The following WDR59 variants were observed in gnomAD, a reference collection of about 807,000 sequenced individuals.
WDR59 encodes WD repeat domain 59.
Under a neutral mutation model 131.2 loss-of-function variants are expected in WDR59, and 100 were observed. The observed-to-expected ratio is 0.76, with a 90% confidence interval of 0.65 to 0.90. The LOEUF is 0.90. Among genes scored for constraint, WDR59 ranks in the 40% least tolerant of loss-of-function variants. The pLI is 0.00. For missense variants in WDR59, 1,203 were observed against 1,262.2 expected (o/e 0.95, Z 0.71); for synonymous variants, 601 against 466.2 (o/e 1.29, Z -3.72).
chr16:74,975,830 A>G (rs903123323), intron 1 of WDR59, among the ~76,000 whole-genome samples: 6 of 151,468 alleles, frequency 4.0e-5, no homozygotes, highest in African/African-American at 1.5e-4. Context: ...CCCATTCATC[A>G]CCACATCTTT....
chr16:74,981,641 TATATA>T lies in WDR59; in HGVS notation c.54+3318_54+3322del, dbSNP rs2034420954. On this transcript the variant is annotated intron_variant, in intron 1 of 25. Coordinates refer to ENST00000262144, the MANE Select transcript of WDR59 (RefSeq NM_030581.4). ...ATATATATATATATATATATATATA[TATATA>T]TATATATATATATATTTTTTTTTTT... Among the ~76,000 whole-genome samples, 28 of 50,214 alleles carry T rather than the reference TATATA, an allele frequency of 5.6e-4. 1 individual carries two copies. The highest frequency in any genetic ancestry group is 3.7e-3 in the African/African-American group (27 of 7,366). The allele number at this position is 50,214 out of a possible 152,430, so 32.9% of individuals were successfully genotyped here.
intron 14 of WDR59, 95 bp downstream of exon 14, chr16:74,912,103 C>T (rs757098446): frequency 1.5e-5 from 23 of 1,545,194 alleles, no homozygotes; most frequent in African/African-American, 1.4e-4. Context: ...AGATGACTTC[C>T]GAATCTCATC....
intron 1 of WDR59, among the ~76,000 whole-genome samples, chr16:74,983,812 C>CA (rs927692134): frequency 3.8e-4 from 57 of 150,368 alleles, no homozygotes; most frequent in African/African-American, 1.1e-3. Flanking sequence ...CCCGTCTCTA[C>CA]AAAAAAAAAT....
chr16:74,923,809 C>G, intron 9 of WDR59, 117 bp downstream of exon 9: 2 of 943,230 alleles, frequency 2.1e-6, no homozygotes, highest in Non-Finnish European at 3.2e-6. Flanking sequence ...ACCACTAAAC[C>G]AACAGAGAAA....
At chr16:74,916,568 A>T (rs1966396367) in intron 11 of WDR59, among the ~76,000 whole-genome samples, 1 of 152,212 alleles carries the variant, frequency 6.6e-6, no homozygotes, top group African/African-American at 2.4e-5. Context: ...GAGCAAAAAT[A>T]TCATAACCGG....
chr16:74,898,534 C>CA (rs1301581950), intron 18 of WDR59, among the ~76,000 whole-genome samples: 1 of 151,956 alleles, frequency 6.6e-6, no homozygotes, highest in Non-Finnish European at 1.5e-5. Context: ...GCAAAGAGGA[C>CA]AAGGAAGAAC....
At chr16:74,945,712 C>T (rs8046519) in intron 6 of WDR59, among the ~76,000 whole-genome samples, 146,044 of 152,098 alleles carry the variant, frequency 0.96, 70,424 homozygotes, top group South Asian at 1. Flanking sequence ...AACAAATGCT[C>T]AGTCCCCCTT....
At chr16:74,906,316 A>AAAAAAAAAAAAAC (rs1965817479) in intron 17 of WDR59, among the ~76,000 whole-genome samples, 1 of 143,844 alleles carries the variant, frequency 7.0e-6, no homozygotes, top group Non-Finnish European at 1.5e-5. Context: ...TCCGTCTCAA[A>AAAAAAAAAAAAAC]AAAAAAAAAA....
chr16:74,965,727 A>T (rs4887796), intron 2 of WDR59, 46 bp downstream of exon 2: 785,519 of 1,610,208 alleles, frequency 0.49, 198,247 homozygotes, highest in East Asian at 0.78. Context: ...CGATTTGCAA[A>T]TCGTTTCCAG....
chr16:74,874,584 T>C (rs1964117911), intron 25 of WDR59, 140 bp from the exon 26 acceptor site: 1 of 713,438 alleles, frequency 1.4e-6, no homozygotes, highest in Non-Finnish European at 2.3e-6. Flanking sequence ...TTTCATTTTC[T>C]GTTTTTTTTA....
chr16:74,888,573 GCTAA>G (rs1288859534), intron 21 of WDR59, among the ~76,000 whole-genome samples: 3 of 152,196 alleles, frequency 2.0e-5, no homozygotes, highest in Admixed American at 1.3e-4. Flanking sequence ...AAAGCCTCTG[GCTAA>G]CTTTCAGGCA....
intron 24 of WDR59, 188 bp from the exon 25 acceptor site, chr16:74,885,983 C>T: frequency 1.4e-6 from 1 of 723,144 alleles, no homozygotes; most frequent in Non-Finnish European, 2.2e-6. Flanking sequence ...TTGAGACCAG[C>T]CTGGCCAACA....
At chr16:74,913,821 T>C (rs1483538987) in intron 13 of WDR59, among the ~76,000 whole-genome samples, 1 of 152,212 alleles carries the variant, frequency 6.6e-6, no homozygotes, top group Non-Finnish European at 1.5e-5. Flanking sequence ...GGGTTTCTTC[T>C]GGGAATGATG....
At chr16:74,967,922 A>C (rs2033838831) in intron 1 of WDR59, among the ~76,000 whole-genome samples, 1 of 152,090 alleles carries the variant, frequency 6.6e-6, no homozygotes, top group Admixed American at 6.6e-5. Flanking sequence ...GGAGGAACAG[A>C]TAAACAAAAT....
At chr16:74,885,352 T>C (rs1051899081) in intron 25 of WDR59, among the ~76,000 whole-genome samples, 2 of 138,544 alleles carry the variant, frequency 1.4e-5, no homozygotes, top group African/African-American at 2.7e-5. Flanking sequence ...TCGGGAGGCT[T>C]AGGGAGGAGA....
At chr16:74,951,341 C>G in intron 4 of WDR59, 117 bp downstream of exon 4, 1 of 1,015,580 alleles carries the variant, frequency 9.8e-7, no homozygotes, top group Non-Finnish European at 1.5e-6. Context: ...GCTGACCACC[C>G]GGGACCTGTG....
At chr16:74,956,681 A>G (rs2033309332) in intron 2 of WDR59, 71 bp from the exon 3 acceptor site, 3 of 1,556,230 alleles carry the variant, frequency 1.9e-6, no homozygotes, top group Admixed American at 3.7e-5. Flanking sequence ...GAAAAGCACA[A>G]TTGGAATTGC....
At chr16:74,889,920 A>G (rs1964956802) in intron 20 of WDR59, 105 bp from the exon 21 acceptor site, 2 of 755,218 alleles carry the variant, frequency 2.6e-6, no homozygotes, top group South Asian at 1.9e-5. Flanking sequence ...GCCTTGCTAC[A>G]TTGGGGGCAG....
chr16:74,919,201 C>T (rs1005797877), intron 10 of WDR59, among the ~76,000 whole-genome samples: 2 of 152,202 alleles, frequency 1.3e-5, no homozygotes, highest in Non-Finnish European at 1.5e-5. Context: ...CAGCCTCTCC[C>T]AACTGGCTGA....
Sources: gnomAD v4.1 joint callset for allele counts (sites outside exome capture counted in the v4.1 genomes callset) on GRCh38, gnomAD v4.1.1 for gene constraint, MANE v1.5 for transcripts, NCBI Gene and HGNC (gene_info 2026-07-23, HGNC 2026-07-21) for gene names.